Variants in EEFSEC observed in about 807,000 individuals in gnomAD.
EEFSEC encodes selenocysteine-specific elongation factor.
EEFSEC carries 43 observed loss-of-function variants against 42.1 expected under a neutral mutation model. The observed-to-expected ratio is 1.02, with a 90% CI of 0.80 to 1.32. The LOEUF (loss-of-function observed/expected upper bound fraction) is 1.32, where lower values mean the gene tolerates loss of function less well. Among genes scored for constraint, EEFSEC ranks in the 40% most tolerant of loss-of-function variants. The probability of loss-of-function intolerance (pLI) is 0.00; values close to 1 mark genes in which losing one functional copy is unlikely to be tolerated. For missense variants in EEFSEC, 745 were observed against 803.6 expected, an observed-to-expected ratio of 0.93 and a Z score of 0.88; for synonymous variants, 354 against 339.1, an observed-to-expected ratio of 1.04 and a Z score of -0.48.
At chr3:128,325,061 G>A (rs978841667) in intron 4 of EEFSEC, among the ~76,000 whole-genome samples, 2 of 152,202 alleles carry the variant, frequency 1.3e-5, no homozygotes, top group African/African-American at 4.8e-5. Flanking sequence ...GGCAGGGCAG[G>A]CCCCCAACAT....
intron 4 of EEFSEC, among the ~76,000 whole-genome samples, chr3:128,315,402 C>T (rs889248237): frequency 2.0e-5 from 3 of 152,194 alleles, no homozygotes; most frequent in Admixed American, 6.5e-5. Context: ...TGCTTGTAAT[C>T]ATGGGCAGTA....
At chr3:128,404,485 C>T (rs1363176609) in intron 6 of EEFSEC, among the ~76,000 whole-genome samples, 2 of 152,252 alleles carry the variant, frequency 1.3e-5, no homozygotes, top group Non-Finnish European at 2.9e-5. Flanking sequence ...GGGAGCCCCA[C>T]GCCTTCTCAG....
chr3:128,234,973 T>C (rs1245978324), intron 1 of EEFSEC, among the ~76,000 whole-genome samples: 1 of 152,264 alleles, frequency 6.6e-6, no homozygotes, highest in East Asian at 1.9e-4. Context: ...GTTTTACTTT[T>C]ATTGTACTTC....
intron 1 of EEFSEC, among the ~76,000 whole-genome samples, chr3:128,189,034 G>T (rs1264546490): frequency 6.7e-6 from 1 of 148,616 alleles, no homozygotes; most frequent in Non-Finnish European, 1.5e-5. Context: ...ACCTTTACAT[G>T]GGGGGGGCTC....
chr3:128,181,397 G>A (rs777588554), intron 1 of EEFSEC, among the ~76,000 whole-genome samples: 1 of 152,154 alleles, frequency 6.6e-6, no homozygotes, highest in Non-Finnish European at 1.5e-5. Context: ...GATCACATGT[G>A]CTTGGCCCAC....
At chr3:128,421,356 CA>C in the EEFSEC span, among the ~76,000 whole-genome samples, 1 of 152,220 alleles carries the variant, frequency 6.6e-6, no homozygotes. Context: ...CAGGTGTGAA[CA>C]GGGGGGTCAG....
intron 4 of EEFSEC, among the ~76,000 whole-genome samples, chr3:128,291,439 G>T (rs776071144): frequency 6.6e-6 from 1 of 151,844 alleles, no homozygotes; most frequent in Non-Finnish European, 1.5e-5. Context: ...CCTTTTCTTT[G>T]CCCTTATGCC....
At chr3:128,340,812 G>A (rs538543298) in intron 4 of EEFSEC, among the ~76,000 whole-genome samples, 14 of 152,306 alleles carry the variant, frequency 9.2e-5, no homozygotes, top group African/African-American at 3.4e-4. Context: ...CTGAGCAGCT[G>A]GGGAGGCCAT....
chr3:128,182,823 C>T (rs1189572710), intron 1 of EEFSEC, among the ~76,000 whole-genome samples: 1 of 139,248 alleles, frequency 7.2e-6, no homozygotes, highest in Non-Finnish European at 1.5e-5. Context: ...CTAGCAGAGA[C>T]CTGGCGACCA....
intron 1 of EEFSEC, among the ~76,000 whole-genome samples, chr3:128,200,351 C>T (rs548138034): frequency 5.3e-5 from 8 of 151,674 alleles, no homozygotes; most frequent in African/African-American, 1.7e-4. Flanking sequence ...TGCAATGGCG[C>T]GATCTTGGCT....
intron 6 of EEFSEC, among the ~76,000 whole-genome samples, chr3:128,386,634 A>G (rs1331599787): frequency 6.6e-6 from 1 of 152,240 alleles, no homozygotes; most frequent in Non-Finnish European, 1.5e-5. Context: ...TAAAATTTTA[A>G]AAAGGCTGTA....
At chr3:128,304,571 A>T (rs760136451) in intron 4 of EEFSEC, among the ~76,000 whole-genome samples, 7 of 152,126 alleles carry the variant, frequency 4.6e-5, no homozygotes, top group Non-Finnish European at 1.0e-4. Flanking sequence ...TAATTATATC[A>T]TTGGCAAACA....
intron 4 of EEFSEC, among the ~76,000 whole-genome samples, chr3:128,314,225 G>A (rs1173228642): frequency 6.6e-6 from 1 of 152,224 alleles, no homozygotes; most frequent in African/African-American, 2.4e-5. Context: ...GTCCTTGAGA[G>A]CAGTTTTTAG....
At chr3:128,168,435 A>G (rs369285527) in intron 1 of EEFSEC, among the ~76,000 whole-genome samples, 1 of 152,274 alleles carries the variant, frequency 6.6e-6, no homozygotes, top group East Asian at 1.9e-4. Flanking sequence ...TCCATATACC[A>G]TTACCAAGTG....
chr3:128,246,377 C>T (rs1355791620), intron 1 of EEFSEC, among the ~76,000 whole-genome samples: 2 of 152,254 alleles, frequency 1.3e-5, no homozygotes, highest in Non-Finnish European at 2.9e-5. Flanking sequence ...TAATCCTCCC[C>T]CTTCTGCCTC....
chr3:128,286,242 T>C (rs932549370), intron 4 of EEFSEC, among the ~76,000 whole-genome samples: 3 of 152,254 alleles, frequency 2.0e-5, no homozygotes, highest in Non-Finnish European at 4.4e-5. Flanking sequence ...CCCTTCCCTT[T>C]GTGGCTCTGG....
At position 128,384,281 on chromosome 3, in the gene EEFSEC, G is replaced by A. The variant is rs569944314; in HGVS notation, c.1601-23788G>A. On this transcript the variant is annotated intron_variant, in intron 6 of 6. Coordinates refer to ENST00000254730, the MANE Select transcript of EEFSEC (RefSeq NM_021937.5). ...CTGGGCTGTGGAGGACTACACAAGG[G>A]AACCAGATACCTAAATGCTGGAAGA... Among the ~76,000 whole-genome samples the A allele has an allele frequency of 2.6e-5, 4 of 152,338 alleles. No homozygotes were observed. The South Asian group carries it at 8.3e-4, about 32-fold the overall frequency.
chr3:128,191,131 A>G (rs1433942758), intron 1 of EEFSEC, among the ~76,000 whole-genome samples: 2 of 152,188 alleles, frequency 1.3e-5, no homozygotes, highest in South Asian at 2.1e-4. Context: ...TATCTTCATC[A>G]TTAAGCAATG....
At chr3:128,307,095 C>A (rs996909622) in intron 4 of EEFSEC, among the ~76,000 whole-genome samples, 9 of 152,266 alleles carry the variant, frequency 5.9e-5, no homozygotes, top group African/African-American at 1.9e-4. Flanking sequence ...ACCTGCCCCA[C>A]CTTCCCAGAA....
Sources: allele counts gnomAD v4.1 joint callset (sites outside exome capture counted in the v4.1 genomes callset), GRCh38; gene constraint gnomAD v4.1.1; transcripts MANE v1.5; gene names NCBI Gene and HGNC (gene_info 2026-07-23, HGNC 2026-07-21).